MBLAC2: variants seen among roughly 807,000 people sequenced by gnomAD.
MBLAC2 encodes acyl-coenzyme A thioesterase MBLAC2.
A neutral mutation model predicts 23.3 loss-of-function variants in MBLAC2; 24 were observed. That is an observed-to-expected ratio of 1.03 (90% CI 0.75 to 1.45). The LOEUF is 1.45. Among genes scored for constraint, MBLAC2 ranks in the 40% most tolerant of loss-of-function variants. The pLI is 0.00. For synonymous variants in MBLAC2, 162 were observed against 150.9 expected (o/e 1.07, Z -0.54); for missense variants, 358 against 370.0 (o/e 0.97, Z 0.27).
chr5:90,462,797 T>C (rs1750386942), intron 1 of MBLAC2, among the ~76,000 whole-genome samples: 1 of 152,136 alleles, frequency 6.6e-6, no homozygotes, highest in Admixed American at 6.5e-5. Flanking sequence ...TATTCTTCTC[T>C]GTGTAATTCA....
chr5:90,467,865 T>G (rs1040683111), intron 1 of MBLAC2, among the ~76,000 whole-genome samples: 22 of 152,206 alleles, frequency 1.4e-4, no homozygotes, highest in Admixed American at 3.3e-4. Context: ...TTTCATGATT[T>G]AGAGCTCCTT....
At position 90,458,425 on chromosome 5, in the gene MBLAC2, A is replaced by G. The variant is rs906106182; in HGVS notation, c.*2742T>C. 2 of 152,186 alleles carry G rather than the reference A, an allele frequency of 1.3e-5. No homozygotes were observed. Among genetic ancestry groups the G allele is most frequent in the Admixed American group, 1.3e-4 (2 of 15,280 alleles). 9.4% of individuals were successfully genotyped at this position (152,186 alleles called of 1,614,324 possible). On this transcript the variant is annotated 3_prime_UTR_variant, in exon 2 of 2. Transcript: ENST00000316610. ...GAAAATGAATTTCCAGTGATTAAGTATTAACAATATAAATAATAAAAATTA... is the reference window on the plus strand; with the variant it reads ...GAAAATGAATTTCCAGTGATTAAGTGTTAACAATATAAATAATAAAAATTA...
chr5:90,467,747 G>C (rs377275176), intron 1 of MBLAC2, among the ~76,000 whole-genome samples: 2,784 of 105,608 alleles, frequency 0.026, 46 homozygotes, highest in Middle Eastern at 0.044. Flanking sequence ...TCTTTTTTTG[G>C]GGGGGGCGGT....
intron 1 of MBLAC2, among the ~76,000 whole-genome samples, chr5:90,467,695 C>T (rs958955752): frequency 1.4e-5 from 2 of 146,226 alleles, no homozygotes; most frequent in African/African-American, 5.2e-5. Context: ...TGAGATGCGA[C>T]ATACTATTCT....
At chr5:90,463,539 T>C (rs553811840) in intron 1 of MBLAC2, among the ~76,000 whole-genome samples, 1 of 152,358 alleles carries the variant, frequency 6.6e-6, no homozygotes, top group South Asian at 2.1e-4. Flanking sequence ...TAAAAATATT[T>C]TGAATGAATG....
chr5:90,461,122 GAATT>G lies in MBLAC2; in HGVS notation c.*41_*44del. On this transcript the variant is annotated 3_prime_UTR_variant, in exon 2 of 2. Transcript: ENST00000316610. ...ATTAATCAGTTAAATAGCACAGAAT[GAATT>G]AATGTATATAATTAATCAAAATATA... 4.3e-6 allele frequency: 6 copies of G among 1,391,532 alleles called. No individual in the cohort carries two copies. The highest frequency in any genetic ancestry group is 5.1e-4 in the Middle Eastern group (2 of 3,952). The allele number at this position is 1,391,532 out of a possible 1,614,324, so 86.2% of individuals were successfully genotyped here. A position where few individuals can be genotyped will look rare whatever the true frequency, so the allele number is the denominator to read the frequency against.
In MBLAC2 at chr5:90,460,515, T is replaced by C. The variant is rs894575022; in HGVS notation, c.*652A>G. 2.0e-5 allele frequency: 3 copies of C among 152,562 alleles called. No homozygotes were observed. The highest frequency in any genetic ancestry group is 2.1e-4 in the South Asian group (1 of 4,832). 9.5% of individuals were successfully genotyped at this position (152,562 alleles called of 1,614,324 possible). ...CACAATAACAAACAACAATATATAGTAGCTTTTTACTGAAGCACTCTGAAA... is the reference window on the plus strand; with the variant it reads ...CACAATAACAAACAACAATATATAGCAGCTTTTTACTGAAGCACTCTGAAA... On this transcript the variant is annotated 3_prime_UTR_variant, in exon 2 of 2. Coordinates refer to ENST00000316610, the MANE Select transcript of MBLAC2 (RefSeq NM_203406.2).
chr5:90,461,306 G>A lies in MBLAC2; in HGVS notation c.701C>T (p.Thr234Ile). 6.2e-7 allele frequency: 1 copy of A among 1,614,130 alleles called. No individual in the cohort carries two copies. Among genetic ancestry groups the A allele is most frequent in the South Asian group, 1.1e-5 (1 of 91,082 alleles). The change falls in exon 2 of 2, where the codon ACC (threonine) becomes ATC (isoleucine). Residue 234 changes from threonine to isoleucine, a missense_variant. Physicochemically the swap from Thr to Ile is moderately conservative, Grantham distance 89. Coordinates refer to ENST00000316610, the MANE Select transcript of MBLAC2 (RefSeq NM_203406.2). Reference sequence around the variant, plus strand: ...TCGAAAAAGCCTTTCAGCACCAAAGGTATTGAAGTGCCCAGGAAGCACCTT... The same window carrying A: ...TCGAAAAAGCCTTTCAGCACCAAAGATATTGAAGTGCCCAGGAAGCACCTT... ...VEKVLPGHFNTFGAERLFRLA... is the reference protein window; with the variant it reads ...VEKVLPGHFNIFGAERLFRLA...
Position 90,474,032 on chromosome 5 carries a change from G to A in MBLAC2, c.261C>T (p.Asp87=), listed in dbSNP as rs773613651. ...CGAACTGGTAGAGGCCGCCGGAGTGGTCGAAGTGCACGTGGGTGGCCACGG... is the reference window on the plus strand; with the variant it reads ...CGAACTGGTAGAGGCCGCCGGAGTGATCGAAGTGCACGTGGGTGGCCACGG... ...LLAVATHVHF[D]HSGGLYQFDR... is the part of the protein sequence containing the mutation. The change falls in exon 1 of 2, where the codon GAC becomes GAT. Residue 87 remains aspartate (D), a synonymous_variant. Transcript: ENST00000316610. 1.4e-5 allele frequency: 23 copies of A among 1,592,900 alleles called. No homozygotes were observed.
At chr5:90,470,747 A>AGCGC (rs149818787) in intron 1 of MBLAC2, among the ~76,000 whole-genome samples, 1 of 143,824 alleles carries the variant, frequency 7.0e-6, no homozygotes, top group Admixed American at 7.0e-5. Context: ...CTAGAAAACT[A>AGCGC]GCGCGCGCGC....
chr5:90,473,838 C>CA lies in MBLAC2; in HGVS notation c.454_454+1insT (p.Gly152ValfsTer8). On this transcript the variant is annotated frameshift_variant and splice_region_variant. Transcript: ENST00000316610. LOFTEE classifies it high-confidence loss of function. ...AGCGCGCGCCCGCGGGGGCCCATTA[C>CA]CATCCTGCAGGATGAGGGTGGGCTG... 12 of 1,575,960 alleles carry CA rather than the reference C, an allele frequency of 7.6e-6. No individual in the cohort carries two copies. Among genetic ancestry groups the CA allele is most frequent in the Non-Finnish European group, 1.0e-5 (12 of 1,160,786 alleles).
chr5:90,463,936 G>A (rs1012214606), intron 1 of MBLAC2, among the ~76,000 whole-genome samples: 1 of 152,096 alleles, frequency 6.6e-6, no homozygotes, highest in African/African-American at 2.4e-5. Context: ...ATTAAAAGGA[G>A]AATAAGGGAA....
At chr5:90,472,343 T>G (rs750415013) in intron 1 of MBLAC2, 1 of 152,168 alleles carries the variant, frequency 6.6e-6, no homozygotes, top group Non-Finnish European at 1.5e-5. Context: ...ATACAGTAAT[T>G]AGGTGTGACT....
intron 1 of MBLAC2, among the ~76,000 whole-genome samples, chr5:90,467,516 A>G (rs756377996): frequency 5.9e-5 from 9 of 152,128 alleles, no homozygotes; most frequent in Non-Finnish European, 8.8e-5. Context: ...TGGTGTCCAT[A>G]TGCATGGAAA....
chr5:90,473,583 GGGGTGGTGCC>G, intron 1 of MBLAC2: 1 of 656,570 alleles, frequency 1.5e-6, no homozygotes, highest in Non-Finnish European at 2.7e-6. Context: ...GGCTAGGGAG[GGGGTGGTGCC>G]GGCTTTCAAA....
chr5:90,474,119 G>C lies in MBLAC2; in HGVS notation c.174C>G (p.Tyr58Ter), dbSNP rs1370178648. 1 of 1,582,146 alleles carries C rather than the reference G, an allele frequency of 6.3e-7. No individual in the cohort carries two copies. The highest frequency in any genetic ancestry group is 1.1e-5 in the South Asian group (1 of 87,332). Reference protein sequence around the residue: ...LGLRSLPEYLYSSGLLQDREA... With the variant: ...LGLRSLPEYL ...CTCGGTCCTGCAAGAGGCCGGAGGAGTACAGGTACTCCGGGAGGCTGCGCA... is the reference window on the plus strand; with the variant it reads ...CTCGGTCCTGCAAGAGGCCGGAGGACTACAGGTACTCCGGGAGGCTGCGCA... The change falls in exon 1 of 2, where the codon TAC becomes TAG. Residue 58 changes from tyrosine (Y) to a stop codon, truncating the protein, a stop_gained. Transcript: ENST00000316610. LOFTEE classifies it high-confidence loss of function.
At position 90,474,094 on chromosome 5, in the gene MBLAC2, C is replaced by G. The variant is rs1750642232; in HGVS notation, c.199G>C (p.Glu67Gln). 6.3e-7 allele frequency: 1 copy of G among 1,574,898 alleles called. No individual in the cohort carries two copies. Residue 67 changes from glutamate (E) to glutamine (Q), a missense_variant, in exon 1 of 2, where the codon GAG (glutamate) becomes CAG (glutamine). Coordinates refer to ENST00000316610, the MANE Select transcript of MBLAC2 (RefSeq NM_203406.2). ...CGGCGCGCCGCGTCCTCTTTGGCCT[C>G]TCGGTCCTGCAAGAGGCCGGAGGAG... is the stretch of plus-strand genomic sequence containing the variant. ...LYSSGLLQDR[E>Q]AKEDAARRPL...
chr5:90,473,681 G>C (rs1032542921), intron 1 of MBLAC2, 158 bp downstream of exon 1: 14 of 760,082 alleles, frequency 1.8e-5, no homozygotes, highest in Non-Finnish European at 3.0e-5. Context: ...CTCTGGTCAA[G>C]TGGGTTTTTA....
At position 90,474,191 on chromosome 5, in the gene MBLAC2, C is replaced by T. The variant is rs758427972; in HGVS notation, c.102G>A (p.Leu34=). 5.0e-6 allele frequency: 8 copies of T among 1,610,292 alleles called. No homozygotes were observed. The South Asian group carries it at 6.6e-5, about 13-fold the overall frequency. The change falls in exon 1 of 2, where the codon CTG becomes CTA. Residue 34 remains leucine (L), a synonymous_variant. Transcript: ENST00000316610. ...CCACGTCCTGCTCGGAGCCGCGCAC[C>T]AGCCAGATGTTGGCACGGTTGCCCG... ...YESGNRANIW[L]VRGSEQDVVI...
Sources: gnomAD v4.1 joint callset for allele counts (sites outside exome capture counted in the v4.1 genomes callset) on GRCh38, gnomAD v4.1.1 for gene constraint, MANE v1.5 for transcripts, NCBI Gene and HGNC (gene_info 2026-07-23, HGNC 2026-07-21) for gene names.